TTYH3: variants seen among roughly 807,000 people sequenced by gnomAD.
TTYH3 encodes protein tweety homolog 3.
Under a neutral mutation model 68.2 loss-of-function variants are expected in TTYH3, and 23 were observed. That is an observed-to-expected ratio of 0.34 (90% CI 0.24 to 0.48). TTYH3 has a LOEUF of 0.48. Among genes scored for constraint, TTYH3 ranks in the 20% least tolerant of loss-of-function variants. TTYH3 has a pLI of 0.99. For missense variants in TTYH3, 768 were observed against 727.7 expected (o/e 1.06, Z -0.64); for synonymous variants, 360 against 332.8 (o/e 1.08, Z -0.89).
intron 5 of TTYH3, among the ~76,000 whole-genome samples, chr7:2,649,289 G>A (rs954908898): frequency 6.6e-6 from 1 of 152,114 alleles, no homozygotes; most frequent in African/African-American, 2.4e-5. Context: ...TCAGGAGAGG[G>A]ACCTGGGGGA....
Position 2,652,985 on chromosome 7 carries a change from T to C in TTYH3, c.995T>C (p.Val332Ala), listed in dbSNP as rs1350911314. The C allele has an allele frequency of 1.3e-6, 2 of 1,574,454 alleles. No homozygotes were observed. Among genetic ancestry groups the C allele is most frequent in the South Asian group, 1.2e-5 (1 of 85,520 alleles). ...GTCGTGGCTGAGCTTCTGAGGACCG[T>C]CCCCTGGGAGCAGCCGGCCACTAAG... is the stretch of plus-strand genomic sequence containing the variant. ...QDVVAELLRT[V>A]PWEQPATKDP... Residue 332 changes from valine (V) to alanine (A), a missense_variant, in exon 9 of 14, where the codon GTC becomes GCC. Val to Ala is a moderately conservative substitution (Grantham distance 64). Transcript: ENST00000258796.
chr7:2,652,311 C>A, intron 8 of TTYH3, 69 bp downstream of exon 8: 1 of 1,419,558 alleles, frequency 7.0e-7, no homozygotes, highest in Non-Finnish European at 9.8e-7. Flanking sequence ...GTGGAGGGGC[C>A]CAGCAGGCCT....
chr7:2,632,314 C>T (rs771193090), intron 1 of TTYH3, 36 bp downstream of exon 1: 8 of 1,521,014 alleles, frequency 5.3e-6, no homozygotes, highest in Admixed American at 2.0e-5. Flanking sequence ...GGGTCAGGGA[C>T]CCCAGGTCAC....
In TTYH3 at chr7:2,664,474, AAT is replaced by A. The variant is rs145257684; in HGVS notation, c.*2749_*2750del. ...GAACCACTTCATATTTGTTATATATAATATATATATATATAATCTCCTTAAGA... is the reference window on the plus strand; with the variant it reads ...GAACCACTTCATATTTGTTATATATAATATATATATATAATCTCCTTAAGA... On this transcript the variant is annotated 3_prime_UTR_variant, in exon 14 of 14. Transcript: ENST00000258796. The A allele has an allele frequency of 1.1e-4, 16 of 149,860 alleles. No individual in the cohort carries two copies. Among genetic ancestry groups the A allele is most frequent in the East Asian group, 1.9e-4 (1 of 5,132 alleles). The allele number at this position is 149,860 out of a possible 1,614,324, so 9.3% of individuals were successfully genotyped here. A position where few individuals can be genotyped will look rare whatever the true frequency, so the allele number is the denominator to read the frequency against.
chr7:2,660,051 A>AG lies in TTYH3; in HGVS notation c.1500+1036_1500+1037insG, dbSNP rs1240600797. On this transcript the variant is annotated intron_variant, in intron 13 of 13. Coordinates refer to ENST00000258796, the MANE Select transcript of TTYH3 (RefSeq NM_025250.3). ...CCCTCAGAGCGACAGGTACTGACCC[A>AG]CCGGTCCCCCATCCCGCACGGCCAC... 2.6e-6 allele frequency: 3 copies of AG among 1,138,822 alleles called. No homozygotes were observed. The African/African-American group carries it at 1.2e-4, about 47-fold the overall frequency. 70.5% of individuals were successfully genotyped at this position (1,138,822 alleles called of 1,614,324 possible).
chr7:2,648,905 T>TGCAGTAGGGTGTGGGGCCC (rs1786077671), intron 5 of TTYH3, among the ~76,000 whole-genome samples: 1 of 46,276 alleles, frequency 2.2e-5, no homozygotes. Context: ...TGTGCAGGCC[T>TGCAGTAGGGTGTGGGGCCC]GCAGTGGGGT....
chr7:2,652,064 C>T lies in TTYH3; in HGVS notation c.872-123C>T, dbSNP rs951021083. On this transcript the variant is annotated intron_variant, in intron 7 of 13. Coordinates refer to ENST00000258796, the MANE Select transcript of TTYH3 (RefSeq NM_025250.3). ...GTGTAAACAGGTGCACACAGACACA[C>T]ATGCACACATGTAAACATGCACGCA... 5.1e-6 allele frequency: 4 copies of T among 787,252 alleles called. No homozygotes were observed. In the East Asian group the frequency reaches 7.9e-5, roughly 16 times the overall value. The allele number at this position is 787,252 out of a possible 1,614,324, so 48.8% of individuals were successfully genotyped here. A position where few individuals can be genotyped will look rare whatever the true frequency, so the allele number is the denominator to read the frequency against.
intron 5 of TTYH3, 74 bp from the exon 6 acceptor site, chr7:2,649,493 C>A (rs1786099879): frequency 1.4e-6 from 2 of 1,448,844 alleles, no homozygotes; most frequent in Non-Finnish European, 1.9e-6. Context: ...GACCTGCCTT[C>A]TGGCCTGCAG....
At position 2,647,243 on chromosome 7, in the gene TTYH3, T is replaced by C; in HGVS notation, c.395T>C (p.Val132Ala). The change falls in exon 3 of 14, where the codon GTC becomes GCC. Residue 132 changes from valine to alanine, a missense_variant. Coordinates refer to ENST00000258796, the MANE Select transcript of TTYH3 (RefSeq NM_025250.3). ...CACGCCAACCGCACGGTGGCCGGGG[T>C]CCAGGACCGCGTGAGTGGCCGCGGA... The part of the protein sequence containing the change: ...LRHANRTVAG[V>A]QDRVWDTAVG... 6.3e-7 allele frequency: 1 copy of C among 1,589,638 alleles called. No homozygotes were observed.
At chr7:2,641,356 A>G (rs1562709021) in intron 1 of TTYH3, among the ~76,000 whole-genome samples, 1 of 145,696 alleles carries the variant, frequency 6.9e-6, no homozygotes, top group Non-Finnish European at 1.5e-5. Flanking sequence ...GGCATCCCCC[A>G]TGGATGCCGT....
chr7:2,653,153 C>G (rs564641462), intron 9 of TTYH3, 143 bp downstream of exon 9: 1 of 681,820 alleles, frequency 1.5e-6, no homozygotes, highest in African/African-American at 1.8e-5. Flanking sequence ...TTGGAGGTGG[C>G]ATGGGAGGTG....
At position 2,645,004 on chromosome 7, in the gene TTYH3, C is replaced by T. The variant is rs1305336425; in HGVS notation, c.124-1849C>T. 6.6e-6 allele frequency among the ~76,000 whole-genome samples: 1 copy of T among 152,246 alleles called. No homozygotes were observed. Among genetic ancestry groups the T allele is most frequent in the African/African-American group, 2.4e-5 (1 of 41,464 alleles). Reference sequence around the variant, plus strand: ...CAAGGCTGGGGTCCCAAGAGGGCCACACTGCTGAAGCATTGAGATGTGGGG... The same window carrying T: ...CAAGGCTGGGGTCCCAAGAGGGCCATACTGCTGAAGCATTGAGATGTGGGG... On this transcript the variant is annotated intron_variant, in intron 1 of 13. Coordinates refer to ENST00000258796, the MANE Select transcript of TTYH3 (RefSeq NM_025250.3). This position sits in a 1 kb window ranked among gnomAD's most constrained non-coding sequence, Gnocchi z 4.8.
rs1385705117 is a variant in TTYH3, at chr7:2,664,150, A to C, written c.*2411A>C. 2 of 152,708 alleles carry C rather than the reference A, an allele frequency of 1.3e-5. No homozygotes were observed. The highest frequency in any genetic ancestry group is 3.8e-4 in the East Asian group (2 of 5,234). 9.5% of individuals were successfully genotyped at this position (152,708 alleles called of 1,614,324 possible). On this transcript the variant is annotated 3_prime_UTR_variant, in exon 14 of 14. Transcript: ENST00000258796. ...AGGAGCCCAGGGGCTTACCTCACTGAGAGTGCTCCCCAGCAGGCATCCACT... is the reference window on the plus strand; with the variant it reads ...AGGAGCCCAGGGGCTTACCTCACTGCGAGTGCTCCCCAGCAGGCATCCACT...
At position 2,663,926 on chromosome 7, in the gene TTYH3, C is replaced by T. The variant is rs1368071041; in HGVS notation, c.*2187C>T. 6.6e-6 allele frequency: 1 copy of T among 152,554 alleles called. No individual in the cohort carries two copies. Among genetic ancestry groups the T allele is most frequent in the Non-Finnish European group, 1.5e-5 (1 of 68,048 alleles). 9.5% of individuals were successfully genotyped at this position (152,554 alleles called of 1,614,324 possible). A position where few individuals can be genotyped will look rare whatever the true frequency, so the allele number is the denominator to read the frequency against. ...TCAGTAGGTGGAGGGGAGCGCCTGC[C>T]ATTGGTTGTATTTTTGTTCTGAGTT... is the stretch of plus-strand genomic sequence containing the variant. On this transcript the variant is annotated 3_prime_UTR_variant, in exon 14 of 14. Coordinates refer to ENST00000258796, the MANE Select transcript of TTYH3 (RefSeq NM_025250.3).
At chr7:2,639,223 G>T (rs991008917) in intron 1 of TTYH3, among the ~76,000 whole-genome samples, 1 of 152,174 alleles carries the variant, frequency 6.6e-6, no homozygotes, top group Non-Finnish European at 1.5e-5. Flanking sequence ...CGCCTGCCAC[G>T]TCCTCCCGGA....
At chr7:2,653,511 C>T (rs1208100881) in intron 9 of TTYH3, among the ~76,000 whole-genome samples, 1 of 152,142 alleles carries the variant, frequency 6.6e-6, no homozygotes, top group Non-Finnish European at 1.5e-5. Flanking sequence ...TGAGAGGATT[C>T]TTGTTTTTCC....
chr7:2,656,585 C>T (rs540015768), intron 11 of TTYH3, 51 bp downstream of exon 11: 40 of 1,576,342 alleles, frequency 2.5e-5, no homozygotes, highest in Admixed American at 1.8e-4. Flanking sequence ...ACATGGCATG[C>T]GGGACACTTC....
rs140439727 is a variant in TTYH3, at chr7:2,649,612, G to C, written c.768G>C (p.Ala256=). 1 of 1,598,868 alleles carries C rather than the reference G, an allele frequency of 6.3e-7. No homozygotes were observed. Among genetic ancestry groups the C allele is most frequent in the Non-Finnish European group, 8.5e-7 (1 of 1,177,284 alleles). Residue 256 remains alanine, a synonymous_variant, in exon 6 of 14, where the codon GCG becomes GCC. Transcript: ENST00000258796. ...GVLALVISWG[A]LGLELAVSVG... ...TGGCCCTGGTCATCAGCTGGGGCGC[G>C]CTGGGCTTGGAGCTGGCTGTGTCCG...
intron 7 of TTYH3, among the ~76,000 whole-genome samples, chr7:2,651,596 G>A (rs1786178803): frequency 6.6e-6 from 1 of 152,226 alleles, no homozygotes; most frequent in Non-Finnish European, 1.5e-5. Flanking sequence ...ACACACGTAA[G>A]TGTGAGCTCC....
Sources: gnomAD v4.1 joint callset for allele counts (sites outside exome capture counted in the v4.1 genomes callset) on GRCh38, gnomAD v4.1.1 for gene constraint, Gnocchi (gnomAD v3.1) non-coding constraint, MANE v1.5 for transcripts, NCBI Gene and HGNC (gene_info 2026-07-23, HGNC 2026-07-21) for gene names.